Variants in GLYR1 observed in about 807,000 individuals in gnomAD.
GLYR1 encodes glyoxylate reductase 1 homolog.
Under a neutral mutation model 72.7 loss-of-function variants are expected in GLYR1, and 21 were observed. That is an observed-to-expected ratio of 0.29 (90% confidence interval 0.20 to 0.42). GLYR1 has a LOEUF of 0.42. Among genes scored for constraint, GLYR1 ranks in the 10% least tolerant of loss-of-function variants. The pLI, the probability that GLYR1 is intolerant of heterozygous loss-of-function variation, is 1.00. For synonymous variants in GLYR1, 392 were observed against 270.2 expected (o/e 1.45, Z -4.42); for missense variants, 594 against 712.1 (o/e 0.83, Z 1.89).
At chr16:4,846,935 G>C (rs2086168392) in intron 1 of GLYR1, 1 of 465,806 alleles carries the variant, frequency 2.1e-6, no homozygotes, top group Admixed American at 4.3e-5. Flanking sequence ...AAGCCTCGCG[G>C]CACCGGCGGC....
Position 4,821,562 on chromosome 16 carries a change from C to A in GLYR1, c.717G>T (p.Leu239Phe). ...AVCYQAITKKLKICEEETGST... is the reference protein window; with the variant it reads ...AVCYQAITKKFKICEEETGST... ...GCCTACATACCTCTTCACATATTTT[C>A]AACTTCTTCGTGATTGCCTGGTAAC... Residue 239 changes from leucine (L) to phenylalanine (F), a missense_variant, in exon 8 of 16, where the codon TTG (leucine) becomes TTT (phenylalanine). Leu to Phe is a conservative substitution (Grantham distance 22). Coordinates refer to ENST00000321919, the MANE Select transcript of GLYR1 (RefSeq NM_032569.4). 1 of 1,614,098 alleles carries A rather than the reference C, an allele frequency of 6.2e-7. No homozygotes were observed. The highest frequency in any genetic ancestry group is 1.1e-5 in the South Asian group (1 of 91,074).
At chr16:4,831,628 T>C (rs1320963224) in intron 5 of GLYR1, among the ~76,000 whole-genome samples, 1 of 152,232 alleles carries the variant, frequency 6.6e-6, no homozygotes, top group Non-Finnish European at 1.5e-5. Flanking sequence ...ACTTTACACC[T>C]GCATCCAGGC....
Position 4,811,819 on chromosome 16 carries a change from C to T in GLYR1, c.1283-17G>A, listed in dbSNP as rs1333087781. 1 of 1,605,448 alleles carries T rather than the reference C, an allele frequency of 6.2e-7. No homozygotes were observed. The highest frequency in any genetic ancestry group is 8.5e-7 in the Non-Finnish European group (1 of 1,174,348). On this transcript the variant is annotated splice_polypyrimidine_tract_variant and intron_variant, in intron 13 of 15. Transcript: ENST00000321919. ...CCACTTCACCTGCCCAGGGTAAAGA[C>T]TCACGGTCACAGCCCAAGAATGCCA...
intron 3 of GLYR1, among the ~76,000 whole-genome samples, chr16:4,841,951 C>T (rs1246236659): frequency 6.6e-6 from 1 of 152,176 alleles, no homozygotes; most frequent in Non-Finnish European, 1.5e-5. Flanking sequence ...GGATTCAAAT[C>T]CCATCTCTGG....
intron 3 of GLYR1, among the ~76,000 whole-genome samples, chr16:4,841,303 A>T (rs2085526962): frequency 6.6e-6 from 1 of 151,782 alleles, no homozygotes; most frequent in African/African-American, 2.4e-5. Context: ...ATCACAGTTT[A>T]TTAATCTAGT....
rs189099943 is a variant in GLYR1 at position 4,826,408 on chromosome 16, C to T, written c.538-2501G>A. ...GGAGTGAGCCACTGTGCCTAGCAGACTGACAGAATTTGGCTCCAGGGTCTG... is the reference window on the plus strand; with the variant it reads ...GGAGTGAGCCACTGTGCCTAGCAGATTGACAGAATTTGGCTCCAGGGTCTG... On this transcript the variant is annotated intron_variant, in intron 5 of 15. Coordinates refer to ENST00000321919, the MANE Select transcript of GLYR1 (RefSeq NM_032569.4). Among the ~76,000 whole-genome samples, 339 of 152,244 alleles carry T rather than the reference C, an allele frequency of 2.2e-3. 1 individual carries two copies. Among genetic ancestry groups the T allele is most frequent in the Non-Finnish European group, 3.4e-3 (228 of 68,024 alleles).
At chr16:4,820,022 C>G (rs1478648841) in intron 9 of GLYR1, among the ~76,000 whole-genome samples, 1 of 152,102 alleles carries the variant, frequency 6.6e-6, no homozygotes, top group Non-Finnish European at 1.5e-5. Context: ...TTTTGAGACA[C>G]AGTCTCGTTC....
chr16:4,840,022 T>C (rs187450363), intron 3 of GLYR1: 1 of 152,340 alleles, frequency 6.6e-6, no homozygotes, highest in Admixed American at 6.5e-5. Context: ...CCCTCCCTGA[T>C]GTCAAGTGTT....
At chr16:4,805,527 G>A (rs576885909) in intron 15 of GLYR1, among the ~76,000 whole-genome samples, 1 of 152,340 alleles carries the variant, frequency 6.6e-6, no homozygotes, top group African/African-American at 2.4e-5. Flanking sequence ...GTACCCGGGG[G>A]ATCTTGTGAG....
At chr16:4,820,776 A>C (rs1172561111) in intron 9 of GLYR1, among the ~76,000 whole-genome samples, 2 of 152,216 alleles carry the variant, frequency 1.3e-5, no homozygotes, top group African/African-American at 4.8e-5. Context: ...TGCGGAGGAG[A>C]CATGCCTACA....
chr16:4,830,273 T>C (rs919583914), intron 5 of GLYR1, among the ~76,000 whole-genome samples: 1 of 150,872 alleles, frequency 6.6e-6, no homozygotes, highest in Non-Finnish European at 1.5e-5. Context: ...CTTCTCAGCC[T>C]GGTCTTGAAC....
chr16:4,845,253 G>C (rs1420467761), intron 2 of GLYR1, 100 bp from the exon 3 acceptor site: 3 of 772,526 alleles, frequency 3.9e-6, no homozygotes, highest in African/African-American at 3.5e-5. Flanking sequence ...TAAGAAAAAA[G>C]TAAATTAAAA....
At chr16:4,846,881 T>G in intron 1 of GLYR1, 1 of 366,336 alleles carries the variant, frequency 2.7e-6, no homozygotes, top group Non-Finnish European at 5.0e-6. Flanking sequence ...CGCTTCTGCT[T>G]TCTGGGAAGC....
At chr16:4,847,080 G>A (rs1237479005) in intron 1 of GLYR1, 148 bp downstream of exon 1, 2 of 738,868 alleles carry the variant, frequency 2.7e-6, no homozygotes, top group South Asian at 3.4e-5. Context: ...CTTCCGCCTG[G>A]CGCCGCTCGC....
rs766049252 is a variant in GLYR1, at chr16:4,814,603, G to A, written c.951C>T (p.Pro317=). The change falls in exon 11 of 16, where the codon CCC becomes CCT. Residue 317 remains proline, a synonymous_variant. Transcript: ENST00000321919. ...IQEGARLGRT[P]AEVVSTCDIT... is the part of the protein sequence containing the mutation. ...TGTCGCAGGTTGAGACGACTTCAGC[G>A]GGGGTTCTTCCCAGACGGGCCCCCT... 12 of 1,614,044 alleles carry A rather than the reference G, an allele frequency of 7.4e-6. No homozygotes were observed. The highest frequency in any genetic ancestry group is 7.6e-6 in the Non-Finnish European group (9 of 1,180,038).
At chr16:4,820,061 G>C (rs542762324) in intron 9 of GLYR1, among the ~76,000 whole-genome samples, 1 of 152,136 alleles carries the variant, frequency 6.6e-6, no homozygotes, top group African/African-American at 2.4e-5. Flanking sequence ...GCAGTGGTGC[G>C]ATCTTGGCTC....
intron 5 of GLYR1, among the ~76,000 whole-genome samples, chr16:4,831,676 T>A (rs1567762042): frequency 6.6e-6 from 1 of 152,232 alleles, no homozygotes; most frequent in Non-Finnish European, 1.5e-5. Context: ...CTTTATTTTT[T>A]AATTTTTTAA....
intron 15 of GLYR1, among the ~76,000 whole-genome samples, chr16:4,808,235 CAAAAA>C (rs57992836): frequency 1.2e-5 from 1 of 81,428 alleles, no homozygotes; most frequent in Non-Finnish European, 2.5e-5. Flanking sequence ...GACTCTGTCT[CAAAAA>C]AAAAAAAAAA....
chr16:4,821,619 G>C lies in GLYR1; in HGVS notation c.682-22C>G, dbSNP rs201388300. 79 of 1,611,160 alleles carry C rather than the reference G, an allele frequency of 4.9e-5. 1 individual carries two copies. In the East Asian group the frequency reaches 1.7e-3, roughly 35 times the overall value. On this transcript the variant is annotated intron_variant, in intron 7 of 15. Coordinates refer to ENST00000321919, the MANE Select transcript of GLYR1 (RefSeq NM_032569.4). ...CTGGCTAATGAAGGAGGAGGAAAGA[G>C]ACTACTTGTGCTACTGCAGGCTTAA...
Sources: allele counts gnomAD v4.1 joint callset (sites outside exome capture counted in the v4.1 genomes callset), GRCh38; gene constraint gnomAD v4.1.1; transcripts MANE v1.5; gene names NCBI Gene and HGNC (gene_info 2026-07-23, HGNC 2026-07-21).